The following MAPK4 variants were observed in gnomAD, a reference collection of about 807,000 sequenced individuals.
MAPK4 encodes mitogen-activated protein kinase 4, also known as Erk3-related.
Under a neutral mutation model 47.7 loss-of-function variants are expected in MAPK4, and 22 were observed. That is an observed-to-expected ratio of 0.46 (90% CI 0.33 to 0.66). The LOEUF is 0.66. MAPK4 is among the 30% of genes least tolerant of loss of function. The pLI, the probability that MAPK4 is intolerant of heterozygous loss-of-function variation, is 0.02. For synonymous variants in MAPK4, 390 were observed against 365.7 expected, an observed-to-expected ratio of 1.07 and a Z score of -0.76; for missense variants, 736 against 831.7, an observed-to-expected ratio of 0.88 and a Z score of 1.42.
chr18:50,691,388 A>T (rs756150180), intron 2 of MAPK4, among the ~76,000 whole-genome samples: 4 of 151,980 alleles, frequency 2.6e-5, no homozygotes, highest in Non-Finnish European at 4.4e-5. Context: ...ATGTCCTGGG[A>T]AGGGCAGGTA....
chr18:50,722,310 T>C (rs1291886887), intron 4 of MAPK4, among the ~76,000 whole-genome samples: 1 of 152,258 alleles, frequency 6.6e-6, no homozygotes, highest in East Asian at 1.9e-4. Context: ...CAGTCATTAG[T>C]GTTCTACCCT....
At chr18:50,576,797 A>G (rs1007877680) in intron 1 of MAPK4, among the ~76,000 whole-genome samples, 1 of 152,224 alleles carries the variant, frequency 6.6e-6, no homozygotes, top group Non-Finnish European at 1.5e-5. Flanking sequence ...AGTTTGTATG[A>G]AGCATATTCC....
At position 50,664,448 on chromosome 18, in the gene MAPK4, C is replaced by A. The variant is rs1188194409; in HGVS notation, c.490C>A (p.Leu164Ile). The A allele has an allele frequency of 1.2e-6, 2 of 1,612,888 alleles. No homozygotes were observed. The highest frequency in any genetic ancestry group is 1.1e-5 in the South Asian group (1 of 90,936). ...NIFISTEDLV[L>I]KIGDFGLARI... ...CTTCATCAGCACAGAGGACCTCGTGCTCAAGATTGGGGATTTCGGGTTGGC... is the reference window on the plus strand; with the variant it reads ...CTTCATCAGCACAGAGGACCTCGTGATCAAGATTGGGGATTTCGGGTTGGC... The change falls in exon 2 of 6, where the codon CTC becomes ATC. Residue 164 changes from leucine (L) to isoleucine (I), a missense_variant. Transcript: ENST00000400384. This position sits in a 1 kb window ranked among gnomAD's most constrained non-coding sequence, Gnocchi z 6.0.
chr18:50,661,413 CA>C (rs1475142376), intron 1 of MAPK4, among the ~76,000 whole-genome samples: 10 of 152,220 alleles, frequency 6.6e-5, no homozygotes, highest in African/African-American at 1.9e-4. Flanking sequence ...CATCCTCAAA[CA>C]GAGTGAATGG....
rs552162189 is a variant in MAPK4 at position 50,721,810 on chromosome 18, C to T, written c.692-128C>T. 4.9e-6 allele frequency: 4 copies of T among 819,550 alleles called. No homozygotes were observed. In the East Asian group the frequency reaches 8.7e-5, roughly 18 times the overall value. 50.8% of individuals were successfully genotyped at this position (819,550 alleles called of 1,614,324 possible). On this transcript the variant is annotated intron_variant, in intron 3 of 5. Coordinates refer to ENST00000400384, the MANE Select transcript of MAPK4 (RefSeq NM_002747.4). Reference sequence around the variant, plus strand: ...GAGCAGCAAATGAAGACCAGAACCCCGGTCCCAGCCCAGTGCTGCCCCACT... The same window carrying T: ...GAGCAGCAAATGAAGACCAGAACCCTGGTCCCAGCCCAGTGCTGCCCCACT...
At chr18:50,655,328 G>T (rs527928336) in intron 1 of MAPK4, among the ~76,000 whole-genome samples, 2 of 152,270 alleles carry the variant, frequency 1.3e-5, no homozygotes, top group Admixed American at 1.3e-4. Context: ...GCTCGGGTCG[G>T]TTGGTGTCCT....
chr18:50,716,364 C>A (rs1176363325), intron 3 of MAPK4, among the ~76,000 whole-genome samples: 1 of 152,148 alleles, frequency 6.6e-6, no homozygotes, highest in East Asian at 1.9e-4. Flanking sequence ...CTCTGGCAAT[C>A]CCCCCTCAGT....
intron 1 of MAPK4, among the ~76,000 whole-genome samples, chr18:50,651,331 A>G (rs999985500): frequency 1.3e-5 from 2 of 152,122 alleles, no homozygotes; most frequent in Admixed American, 6.5e-5. Context: ...GAGGCTGACC[A>G]GTTCTCTCCC....
chr18:50,683,285 A>G lies in MAPK4; in HGVS notation c.546+18781A>G, dbSNP rs1908685517. The stretch of plus-strand genomic sequence containing the variant: ...CAGGCAAGCACCACCATGCCCAGCT[A>G]ATTTTTATATTTTTTTAGTAGAGAC... On this transcript the variant is annotated intron_variant, in intron 2 of 5. Coordinates refer to ENST00000400384, the MANE Select transcript of MAPK4 (RefSeq NM_002747.4). Among the ~76,000 whole-genome samples, 6 of 151,926 alleles carry G rather than the reference A, an allele frequency of 3.9e-5. No individual in the cohort carries two copies. In the South Asian group the frequency reaches 1.3e-3, roughly 32 times the overall value.
At chr18:50,616,908 A>G (rs558491182) in intron 1 of MAPK4, among the ~76,000 whole-genome samples, 1 of 152,256 alleles carries the variant, frequency 6.6e-6, no homozygotes, top group South Asian at 2.1e-4. Flanking sequence ...TCATAGACAT[A>G]CCCAGAAACA....
chr18:50,574,010 G>A (rs1000858875), intron 1 of MAPK4, among the ~76,000 whole-genome samples: 1 of 152,174 alleles, frequency 6.6e-6, no homozygotes, highest in Admixed American at 6.5e-5. Context: ...AGTATTCCAG[G>A]ACTAGAAGCC....
At chr18:50,659,551 T>G (rs2043146913) in intron 1 of MAPK4, among the ~76,000 whole-genome samples, 1 of 152,180 alleles carries the variant, frequency 6.6e-6, no homozygotes, top group Admixed American at 6.5e-5. Context: ...CCATCTCATC[T>G]CTGGTTTGCC....
Position 50,729,563 on chromosome 18 carries a change from G to C in MAPK4, c.1473G>C (p.Leu491=). The part of the protein sequence containing the change: ...AREDEPASLF[L]EIAQWVKSTQ... ...AGGACGAGCCGGCCAGCCTCTTCCT[G>C]GAGATCGCGCAGTGGGTCAAGAGCA... The change falls in exon 6 of 6, where the codon CTG becomes CTC. Residue 491 remains leucine (L), a synonymous_variant. Coordinates refer to ENST00000400384, the MANE Select transcript of MAPK4 (RefSeq NM_002747.4). 6.3e-6 allele frequency: 9 copies of C among 1,426,412 alleles called. No individual in the cohort carries two copies. The Middle Eastern group carries it at 1.2e-3, about 193-fold the overall frequency. 88.4% of individuals were successfully genotyped at this position (1,426,412 alleles called of 1,614,324 possible).
At chr18:50,719,032 C>T (rs1488759032) in intron 3 of MAPK4, among the ~76,000 whole-genome samples, 2 of 136,000 alleles carry the variant, frequency 1.5e-5, no homozygotes, top group African/African-American at 5.4e-5. Flanking sequence ...TCCAGTGAGC[C>T]GAGATCGTGC....
At chr18:50,653,400 G>A (rs1317297327) in intron 1 of MAPK4, among the ~76,000 whole-genome samples, 1 of 152,180 alleles carries the variant, frequency 6.6e-6, no homozygotes, top group Non-Finnish European at 1.5e-5. Flanking sequence ...AGTGAGAAAG[G>A]ATGTCAGTTC....
intron 1 of MAPK4, among the ~76,000 whole-genome samples, chr18:50,566,722 A>G (rs921487733): frequency 6.6e-6 from 1 of 152,264 alleles, no homozygotes; most frequent in African/African-American, 2.4e-5. Flanking sequence ...ACTATTTTAT[A>G]AAAACTTCCT....
At chr18:50,693,715 G>A (rs535950120) in intron 2 of MAPK4, among the ~76,000 whole-genome samples, 6 of 152,266 alleles carry the variant, frequency 3.9e-5, no homozygotes, top group East Asian at 3.9e-4. Flanking sequence ...TTGTTTCCAC[G>A]TGTTTGCTTA....
In MAPK4 at chr18:50,663,957, C is replaced by T. The variant is rs756144988; in HGVS notation, c.-2C>T. On this transcript the variant is annotated 5_prime_UTR_variant, in exon 2 of 6. Coordinates refer to ENST00000400384, the MANE Select transcript of MAPK4 (RefSeq NM_002747.4). ...GGGCAGCTCCAGATCACTGAGCCCACAATGGCTGAGAAGGGTGACTGCATC... is the reference window on the plus strand; with the variant it reads ...GGGCAGCTCCAGATCACTGAGCCCATAATGGCTGAGAAGGGTGACTGCATC... 2.7e-5 allele frequency: 43 copies of T among 1,606,852 alleles called. No individual in the cohort carries two copies. Among genetic ancestry groups the T allele is most frequent in the Non-Finnish European group, 3.5e-5 (41 of 1,175,502 alleles).
intron 2 of MAPK4, among the ~76,000 whole-genome samples, chr18:50,709,965 C>T (rs1210566436): frequency 2.6e-5 from 4 of 152,032 alleles, no homozygotes; most frequent in Non-Finnish European, 5.9e-5. Flanking sequence ...CCATCCTTCA[C>T]ACAGGGACAG....
Sources: gnomAD v4.1 joint callset for allele counts (sites outside exome capture counted in the v4.1 genomes callset) on GRCh38, gnomAD v4.1.1 for gene constraint, Gnocchi (gnomAD v3.1) non-coding constraint, MANE v1.5 for transcripts, NCBI Gene and HGNC (gene_info 2026-07-23, HGNC 2026-07-21) for gene names.